TENM4: variants seen among roughly 807,000 people sequenced by gnomAD.
The protein encoded by TENM4 is teneurin-4.
In TENM4, 82 loss-of-function variants were observed where a neutral mutation model predicts 243.3. The observed-to-expected ratio is 0.34, with a 90% confidence interval of 0.28 to 0.40. TENM4 has a LOEUF of 0.40. Among genes scored for constraint, TENM4 ranks in the 10% least tolerant of loss-of-function variants. The pLI is 1.00. For synonymous variants in TENM4, 1,412 were observed against 1,456.3 expected, an observed-to-expected ratio of 0.97 and a Z score of 0.69; for missense variants, 3,138 against 3,673.3, an observed-to-expected ratio of 0.85 and a Z score of 3.77.
intron 6 of TENM4, among the ~76,000 whole-genome samples, chr11:79,046,102 G>T (rs1028510629): frequency 1.3e-5 from 2 of 152,224 alleles, no homozygotes; most frequent in East Asian, 3.9e-4. Flanking sequence ...TACACACATG[G>T]TCTCAGGCAG....
At chr11:79,286,754 C>A (rs1366683842) in intron 2 of TENM4, among the ~76,000 whole-genome samples, 4 of 152,092 alleles carry the variant, frequency 2.6e-5, no homozygotes, top group Non-Finnish European at 5.9e-5. Context: ...AGATATGAAG[C>A]AGGTACTCAT....
intron 6 of TENM4, among the ~76,000 whole-genome samples, chr11:78,975,281 C>T (rs1055087415): frequency 3.3e-5 from 5 of 151,968 alleles, no homozygotes; most frequent in African/African-American, 1.2e-4. Flanking sequence ...CACGCGCTGC[C>T]TCCAGAGGGG....
rs1309572886 is a variant in TENM4 at position 78,658,651 on chromosome 11, C to T, written c.7717G>A (p.Ala2573Thr). Residue 2573 changes from alanine (A) to threonine (T), a missense_variant, in exon 34 of 34, where the codon GCC becomes ACC. Ala to Thr is a moderately conservative substitution (Grantham distance 58). Transcript: ENST00000278550. ...GSVFGKGVKF[A>T]LKDGRVTTDI... ...GTGGTCACTCGGCCATCCTTCAAGG[C>T]AAACTTGACCCCCTTGCCAAAGACT... 6 of 1,613,944 alleles carry T rather than the reference C, an allele frequency of 3.7e-6. No individual in the cohort carries two copies. The highest frequency in any genetic ancestry group is 5.1e-6 in the Non-Finnish European group (6 of 1,179,910).
At chr11:79,064,072 T>C (rs1434683092) in intron 6 of TENM4, among the ~76,000 whole-genome samples, 2 of 120,670 alleles carry the variant, frequency 1.7e-5, no homozygotes, top group African/African-American at 5.7e-5. Context: ...AACATATCTC[T>C]CATCTCACAT....
chr11:79,239,479 T>C (rs1864547924), intron 2 of TENM4, among the ~76,000 whole-genome samples: 1 of 152,144 alleles, frequency 6.6e-6, no homozygotes, highest in African/African-American at 2.4e-5. Flanking sequence ...GGAAGGTTAA[T>C]TGCAGAGTGT....
intron 20 of TENM4, among the ~76,000 whole-genome samples, chr11:78,733,954 C>T (rs774596774): frequency 5.9e-5 from 9 of 152,046 alleles, no homozygotes; most frequent in Non-Finnish European, 1.2e-4. Flanking sequence ...TTTGGGAGGC[C>T]GAGGAGGGCG....
At chr11:79,069,699 C>T (rs994337214) in intron 5 of TENM4, 23 bp downstream of exon 5, 11 of 1,537,934 alleles carry the variant, frequency 7.2e-6, no homozygotes, top group African/African-American at 1.4e-5. Context: ...GCCTGAGGCC[C>T]GCCCCCTCGG....
rs181446911 is a variant in TENM4 at position 79,258,382 on chromosome 11, C to T, written c.-265+39106G>A. On this transcript the variant is annotated intron_variant, in intron 2 of 33. Transcript: ENST00000278550. ...ATTACTTTCTTCCATTTTCCAGCCT[C>T]CCCAAGCTAGTAGGCAGTGGGGCCT... Among the ~76,000 whole-genome samples the T allele has an allele frequency of 9.5e-4, 145 of 152,312 alleles. 4 individuals carry two copies. The South Asian group carries it at 0.02, about 21-fold the overall frequency.
At chr11:79,303,882 A>T (rs1400297172) in intron 1 of TENM4, among the ~76,000 whole-genome samples, 1 of 152,180 alleles carries the variant, frequency 6.6e-6, no homozygotes, top group Non-Finnish European at 1.5e-5. Context: ...GCGTGTTAAG[A>T]AGCCATCCAA....
chr11:79,080,812 C>T (rs1449253045), intron 4 of TENM4, among the ~76,000 whole-genome samples: 3 of 152,178 alleles, frequency 2.0e-5, no homozygotes. Flanking sequence ...CCTAGAAAAC[C>T]CCTTCAAGGG....
At chr11:78,885,173 C>T (rs536664900) in intron 9 of TENM4, among the ~76,000 whole-genome samples, 4 of 152,292 alleles carry the variant, frequency 2.6e-5, no homozygotes, top group African/African-American at 9.6e-5. Context: ...TTGCCCCTTT[C>T]GACATCATCT....
chr11:79,334,831 C>G (rs1857122183), intron 1 of TENM4, among the ~76,000 whole-genome samples: 1 of 152,136 alleles, frequency 6.6e-6, no homozygotes, highest in Non-Finnish European at 1.5e-5. Context: ...ATTTCTTATT[C>G]TATAACAGAA....
At chr11:79,175,598 T>C (rs776527719) in intron 3 of TENM4, among the ~76,000 whole-genome samples, 2 of 152,244 alleles carry the variant, frequency 1.3e-5, no homozygotes, top group Non-Finnish European at 2.9e-5. Context: ...CAAAATTTAA[T>C]GTGGAATGCA....
chr11:79,058,565 A>G (rs1049831519), intron 6 of TENM4, among the ~76,000 whole-genome samples: 1 of 152,010 alleles, frequency 6.6e-6, no homozygotes, highest in Admixed American at 6.6e-5. Flanking sequence ...AACAAAAAAA[A>G]GGATAATGGA....
intron 1 of TENM4, among the ~76,000 whole-genome samples, chr11:79,405,272 C>CT (rs1858543270): frequency 6.6e-6 from 1 of 152,118 alleles, no homozygotes; most frequent in African/African-American, 2.4e-5. Context: ...CATCATCTCA[C>CT]TTACTGCTCA....
At chr11:78,893,486 A>G (rs1361871564) in intron 7 of TENM4, among the ~76,000 whole-genome samples, 2 of 152,156 alleles carry the variant, frequency 1.3e-5, no homozygotes, top group Non-Finnish European at 2.9e-5. Flanking sequence ...CATAGTCCTT[A>G]CCAGGGCCCA....
At chr11:79,049,898 C>T (rs1032601529) in intron 6 of TENM4, among the ~76,000 whole-genome samples, 2 of 152,216 alleles carry the variant, frequency 1.3e-5, no homozygotes, top group Non-Finnish European at 2.9e-5. Context: ...AGCTTTTGCC[C>T]GGCTTCCTCC....
chr11:79,268,364 T>C (rs1443395592), intron 2 of TENM4, among the ~76,000 whole-genome samples: 1 of 152,232 alleles, frequency 6.6e-6, no homozygotes, highest in Non-Finnish European at 1.5e-5. Flanking sequence ...GCCTGTGGGC[T>C]GTAGTTAACT....
chr11:79,263,979 A>G (rs181274359), intron 2 of TENM4, among the ~76,000 whole-genome samples: 1 of 152,220 alleles, frequency 6.6e-6, no homozygotes, highest in Non-Finnish European at 1.5e-5. Context: ...TAATCTGTGT[A>G]TTAAGTGGAC....
Sources: gnomAD v4.1 joint callset for allele counts (sites outside exome capture counted in the v4.1 genomes callset) on GRCh38, gnomAD v4.1.1 for gene constraint, MANE v1.5 for transcripts, NCBI Gene and HGNC (gene_info 2026-07-23, HGNC 2026-07-21) for gene names.